The following PKHD1 variants were observed in gnomAD, a reference collection of about 807,000 sequenced individuals.
PKHD1 encodes the protein PKHD1 ciliary IPT domain containing fibrocystin/polyductin.
PKHD1 carries 291 observed loss-of-function variants against 412.0 expected under a neutral mutation model. The ratio of observed to expected loss-of-function variants is 0.71; its 90% CI spans 0.64 to 0.78. The LOEUF (loss-of-function observed/expected upper bound fraction) is 0.78, where lower values mean the gene tolerates loss of function less well. Among genes scored for constraint, PKHD1 ranks in the 30% least tolerant of loss-of-function variants. The probability of loss-of-function intolerance (pLI) is 0.00; values close to 1 mark genes in which losing one functional copy is unlikely to be tolerated. For synonymous variants in PKHD1, 1,777 were observed against 1,821.5 expected, an observed-to-expected ratio of 0.98 and a Z score of 0.62; for missense variants, 4,825 against 4,950.7, an observed-to-expected ratio of 0.97 and a Z score of 0.76.
intron 60 of PKHD1, among the ~76,000 whole-genome samples, chr6:51,736,243 G>T (rs1783827748): frequency 6.6e-6 from 1 of 152,158 alleles, no homozygotes; most frequent in Non-Finnish European, 1.5e-5. Context: ...AAAGGAAATT[G>T]TCCCCATAGA....
At chr6:51,887,533 A>G (rs1018195217) in intron 43 of PKHD1, among the ~76,000 whole-genome samples, 4 of 152,254 alleles carry the variant, frequency 2.6e-5, no homozygotes, top group Middle Eastern at 6.8e-3. Context: ...TTTCTCGTGA[A>G]TGGTTTAGCA....
At chr6:51,869,602 T>C (rs949690288) in intron 47 of PKHD1, among the ~76,000 whole-genome samples, 1 of 152,154 alleles carries the variant, frequency 6.6e-6, no homozygotes, top group Non-Finnish European at 1.5e-5. Context: ...TTAGAGTTCA[T>C]AGGAGTAGTG....
At chr6:51,874,600 A>G (rs1346267200) in intron 46 of PKHD1, among the ~76,000 whole-genome samples, 2 of 152,158 alleles carry the variant, frequency 1.3e-5, no homozygotes, top group Non-Finnish European at 2.9e-5. Context: ...ATATGAGTGG[A>G]AAGTCTAACA....
chr6:51,811,751 CAATT>C lies in PKHD1; in HGVS notation c.8302+19106_8302+19109del, dbSNP rs1389233959. On this transcript the variant is annotated intron_variant, in intron 52 of 66. Transcript: ENST00000371117. Reference sequence around the variant, plus strand: ...AGAAACTGATATGTAGTAAAATACTCAATTAATTAATATTTTTAAAGTTATTCAT... The same window carrying C: ...AGAAACTGATATGTAGTAAAATACTCAATTAATATTTTTAAAGTTATTCAT... Among the ~76,000 whole-genome samples the C allele has an allele frequency of 3.9e-5, 6 of 151,934 alleles. No homozygotes were observed. The East Asian group carries it at 1.2e-3, about 29-fold the overall frequency.
In PKHD1 at chr6:51,753,477, A is replaced by T. The variant is rs540370185; in HGVS notation, c.8798-124T>A. On this transcript the variant is annotated intron_variant, in intron 56 of 66. Transcript: ENST00000371117. ...TCCCCTCAGAAGTTCTACCAACATT[A>T]AGGTCTGCTTTTCCTGGGGCATTCT... The T allele has an allele frequency of 7.9e-5, 62 of 783,642 alleles. No individual in the cohort carries two copies. The African/African-American group carries it at 9.6e-4, about 12-fold the overall frequency. 48.5% of individuals were successfully genotyped at this position (783,642 alleles called of 1,614,324 possible).
chr6:51,705,380 T>C (rs1257876894), intron 60 of PKHD1, among the ~76,000 whole-genome samples: 1 of 152,012 alleles, frequency 6.6e-6, no homozygotes, highest in Non-Finnish European at 1.5e-5. Context: ...CCCATGGCAG[T>C]GAGGAGAGGG....
At position 51,829,561 on chromosome 6, in the gene PKHD1, T is replaced by A. The variant is rs1034062687; in HGVS notation, c.8302+1300A>T. Among the ~76,000 whole-genome samples, 4 of 152,236 alleles carry A rather than the reference T, an allele frequency of 2.6e-5. No homozygotes were observed. The South Asian group carries it at 8.3e-4, about 32-fold the overall frequency. On this transcript the variant is annotated intron_variant, in intron 52 of 66. Coordinates refer to ENST00000371117, the MANE Select transcript of PKHD1 (RefSeq NM_138694.4). Reference sequence around the variant, plus strand: ...TATAGGAATGACTCACGAGCTTGTTTATTCAAAAAGTTACATCCTCCATCA... The same window carrying A: ...TATAGGAATGACTCACGAGCTTGTTAATTCAAAAAGTTACATCCTCCATCA...
chr6:52,046,273 A>T (rs375651363), intron 23 of PKHD1, 85 bp from the exon 24 acceptor site: 13 of 1,031,224 alleles, frequency 1.3e-5, no homozygotes, highest in African/African-American at 1.3e-4. Context: ...AACACGATAC[A>T]TACTAGGATG....
chr6:51,773,962 A>G (rs757019976), intron 54 of PKHD1, among the ~76,000 whole-genome samples: 11 of 151,896 alleles, frequency 7.2e-5, no homozygotes, highest in Non-Finnish European at 1.3e-4. Context: ...CCAATCTTTC[A>G]TAATAGCATT....
At chr6:51,661,387 G>A (rs774678407) in intron 60 of PKHD1, among the ~76,000 whole-genome samples, 5 of 152,128 alleles carry the variant, frequency 3.3e-5, no homozygotes, top group Non-Finnish European at 5.9e-5. Context: ...GCGAATGGGA[G>A]AAGAGGTAGA....
At chr6:51,836,642 T>C (rs1769278376) in intron 50 of PKHD1, among the ~76,000 whole-genome samples, 173 bp from the exon 51 acceptor site, 2 of 152,248 alleles carry the variant, frequency 1.3e-5, no homozygotes, top group South Asian at 4.1e-4. Flanking sequence ...CATTTGATTT[T>C]GATTGCTTTC....
intron 35 of PKHD1, among the ~76,000 whole-genome samples, chr6:51,995,804 G>T (rs1377949833): frequency 6.6e-6 from 1 of 152,062 alleles, no homozygotes; most frequent in Non-Finnish European, 1.5e-5. Context: ...TAGACTTAAA[G>T]CAACCTCCCA....
chr6:51,997,809 G>C (rs1679535514), intron 35 of PKHD1, among the ~76,000 whole-genome samples: 1 of 152,180 alleles, frequency 6.6e-6, no homozygotes, highest in Non-Finnish European at 1.5e-5. Flanking sequence ...GATGAAAAGA[G>C]GCTGAATGAT....
intron 36 of PKHD1, among the ~76,000 whole-genome samples, chr6:51,958,826 C>CACACACACACACACACAA (rs1791558143): frequency 6.6e-6 from 1 of 151,706 alleles, no homozygotes; most frequent in Non-Finnish European, 1.5e-5. Flanking sequence ...CACACACACA[C>CACACACACACACACACAA]ACACACACAC....
At chr6:51,812,056 CA>C (rs1235464228) in intron 52 of PKHD1, among the ~76,000 whole-genome samples, 1 of 152,116 alleles carries the variant, frequency 6.6e-6, no homozygotes, top group Non-Finnish European at 1.5e-5. Context: ...AGGTACAAAG[CA>C]ACATGGAGGC....
chr6:51,932,641 G>GT (rs546653587), intron 37 of PKHD1, among the ~76,000 whole-genome samples: 3 of 152,222 alleles, frequency 2.0e-5, no homozygotes, highest in Admixed American at 6.5e-5. Context: ...AATCAATGTA[G>GT]TTGCTTGCTG....
intron 63 of PKHD1, among the ~76,000 whole-genome samples, chr6:51,642,698 G>A (rs1347238954): frequency 6.6e-6 from 1 of 152,114 alleles, no homozygotes; most frequent in African/African-American, 2.4e-5. Flanking sequence ...AAATTAGCCA[G>A]GTGTGGTGGT....
At chr6:51,901,413 C>T (rs963989877) in intron 43 of PKHD1, among the ~76,000 whole-genome samples, 84 of 151,218 alleles carry the variant, frequency 5.6e-4, no homozygotes, top group African/African-American at 2.0e-3. Context: ...AGTAAACTAT[C>T]GCAAGAACAA....
chr6:51,679,550 G>C (rs911734133), intron 60 of PKHD1, among the ~76,000 whole-genome samples: 6 of 151,876 alleles, frequency 4.0e-5, no homozygotes, highest in African/African-American at 1.5e-4. Context: ...TCTGCACTGG[G>C]AATACAAAAC....
Sources: gnomAD v4.1 joint callset for allele counts (sites outside exome capture counted in the v4.1 genomes callset) on GRCh38, gnomAD v4.1.1 for gene constraint, MANE v1.5 for transcripts, NCBI Gene and HGNC (gene_info 2026-07-23, HGNC 2026-07-21) for gene names.